ANKRD31: variants seen among roughly 807,000 people sequenced by gnomAD.
ANKRD31 encodes the protein ankyrin repeat domain 31, also known as ankyrin repeat domain-containing protein 31.
In ANKRD31, 147 loss-of-function variants were observed where a neutral mutation model predicts 186.0. The ratio of observed to expected loss-of-function variants is 0.79; its 90% CI spans 0.69 to 0.91. The LOEUF (loss-of-function observed/expected upper bound fraction) is 0.91. Among genes scored for constraint, ANKRD31 ranks in the 40% least tolerant of loss-of-function variants. The probability of loss-of-function intolerance (pLI) is 0.00; values close to 1 mark genes in which losing one functional copy is unlikely to be tolerated. For missense variants in ANKRD31, 1,986 were observed against 2,148.8 expected (o/e 0.92, Z 1.50); for synonymous variants, 673 against 736.4 (o/e 0.91, Z 1.39).
chr5:75,205,109 C>A (rs932393940), intron 5 of ANKRD31, among the ~76,000 whole-genome samples: 2 of 152,154 alleles, frequency 1.3e-5, no homozygotes, highest in African/African-American at 4.8e-5. Context: ...CAAGCAATCA[C>A]CCTGGCTCAG....
chr5:75,112,213 C>T (rs1747844852), intron 20 of ANKRD31, among the ~76,000 whole-genome samples: 1 of 152,120 alleles, frequency 6.6e-6, no homozygotes, highest in Admixed American at 6.6e-5. Context: ...GCCTCAGCCT[C>T]CCGAGTAGCT....
chr5:75,212,230 T>A (rs1362756506), intron 3 of ANKRD31, among the ~76,000 whole-genome samples: 1 of 152,174 alleles, frequency 6.6e-6, no homozygotes, highest in Non-Finnish European at 1.5e-5. Flanking sequence ...TAATATGTGA[T>A]GATTCTGAAC....
At chr5:75,079,935 T>A (rs1744955118) in intron 25 of ANKRD31, among the ~76,000 whole-genome samples, 1 of 151,694 alleles carries the variant, frequency 6.6e-6, no homozygotes, top group African/African-American at 2.4e-5. Flanking sequence ...AAACTCCCTC[T>A]CTACAAAAAA....
chr5:75,117,601 C>T (rs1003489907), intron 18 of ANKRD31, among the ~76,000 whole-genome samples: 1 of 152,088 alleles, frequency 6.6e-6, no homozygotes, highest in Non-Finnish European at 1.5e-5. Context: ...TAGATACATT[C>T]CTGAGTATCT....
chr5:75,234,941 A>G (rs1338019733), intron 1 of ANKRD31, among the ~76,000 whole-genome samples: 1 of 151,940 alleles, frequency 6.6e-6, no homozygotes, highest in Admixed American at 6.6e-5. Flanking sequence ...CATCATCCCA[A>G]TATCATTTTT....
Position 75,146,295 on chromosome 5 carries a change from G to A in ANKRD31, c.3116C>T (p.Pro1039Leu). The A allele has an allele frequency of 6.5e-7, 1 of 1,536,436 alleles. No individual in the cohort carries two copies. The change falls in exon 14 of 26, where the codon CCC (proline) becomes CTC (leucine). Residue 1039 changes from proline to leucine, a missense_variant. Pro to Leu is a moderately conservative substitution (Grantham distance 98, BLOSUM62 -3). Transcript: ENST00000506364. ...ELFKKPQDYIPRAPTFLMNQT... is the reference protein window; with the variant it reads ...ELFKKPQDYILRAPTFLMNQT... Reference sequence around the variant, plus strand: ...ATTCATTAAAAAAGTTGGTGCTCTGGGAATATAATCCTGTGGCTTTTTGAA... The same window carrying A: ...ATTCATTAAAAAAGTTGGTGCTCTGAGAATATAATCCTGTGGCTTTTTGAA...
At chr5:75,157,989 A>G (rs543462471) in intron 11 of ANKRD31, among the ~76,000 whole-genome samples, 2 of 152,214 alleles carry the variant, frequency 1.3e-5, no homozygotes, top group Non-Finnish European at 2.9e-5. Flanking sequence ...ATAGAGGCAG[A>G]CTACTCAGAA....
At chr5:75,147,639 G>T in intron 13 of ANKRD31, 134 bp from the exon 14 acceptor site, 1 of 731,664 alleles carries the variant, frequency 1.4e-6, no homozygotes, top group Non-Finnish European at 2.1e-6. Flanking sequence ...CACAGATCCT[G>T]CTGGGATATA....
intron 5 of ANKRD31, among the ~76,000 whole-genome samples, chr5:75,200,618 AC>A (rs964222199): frequency 6.0e-5 from 9 of 149,558 alleles, no homozygotes; most frequent in African/African-American, 2.2e-4. Context: ...CATCATCAAG[AC>A]CCAAGTATTC....
rs532311872 is a variant in ANKRD31 at position 75,140,494 on chromosome 5, C to A, written c.3596-1511G>T. The stretch of plus-strand genomic sequence containing the variant: ...AATTCCCCAGTCCACTCCAAACTTA[C>A]TTTGGAGGACAGACTAAAATGGCTC... On this transcript the variant is annotated intron_variant, in intron 15 of 25. Transcript: ENST00000506364. Among the ~76,000 whole-genome samples, 52 of 152,278 alleles carry A rather than the reference C, an allele frequency of 3.4e-4. 1 individual carries two copies. Among genetic ancestry groups the A allele is most frequent in the African/African-American group, 1.1e-3 (44 of 41,562 alleles).
chr5:75,181,885 T>C (rs1191839235), intron 10 of ANKRD31, among the ~76,000 whole-genome samples: 3 of 113,364 alleles, frequency 2.6e-5, no homozygotes, highest in East Asian at 4.6e-4. Context: ...AAAAGTATAA[T>C]AGTAATGATA....
intron 22 of ANKRD31, among the ~76,000 whole-genome samples, chr5:75,092,806 C>T (rs1267559366): frequency 1.3e-5 from 2 of 151,884 alleles, no homozygotes; most frequent in Non-Finnish European, 2.9e-5. Context: ...TTCAAAATAA[C>T]CATTATAAAT....
At chr5:75,152,310 A>C (rs1416461439) in intron 12 of ANKRD31, among the ~76,000 whole-genome samples, 1 of 152,054 alleles carries the variant, frequency 6.6e-6, no homozygotes. Context: ...GTCCCCAGGA[A>C]GACACAGAGC....
intron 9 of ANKRD31, among the ~76,000 whole-genome samples, chr5:75,191,960 T>C (rs1389748557): frequency 6.6e-6 from 1 of 152,080 alleles, no homozygotes; most frequent in African/African-American, 2.4e-5. Flanking sequence ...AACAAAAGAC[T>C]CACCCCTTGT....
chr5:75,149,395 T>C (rs1275645695), intron 12 of ANKRD31, among the ~76,000 whole-genome samples: 3 of 151,960 alleles, frequency 2.0e-5, no homozygotes, highest in Admixed American at 6.6e-5. Context: ...TTAATGAGGA[T>C]GTAATTCAAA....
rs767348382 is a variant in ANKRD31 at position 75,104,979 on chromosome 5, G to A, written c.4580C>T (p.Pro1527Leu). 1.2e-5 allele frequency: 19 copies of A among 1,536,728 alleles called. No homozygotes were observed. In the African/African-American group the frequency reaches 2.3e-4, roughly 19 times the overall value. Residue 1527 changes from proline to leucine, a missense_variant, in exon 22 of 26, where the codon CCC becomes CTC. Transcript: ENST00000506364. ...ELTSLENLEH[P>L]QSGSLSPVSG... ...AACAGGAGAAAGTGAACCTGATTGG[G>A]GATGCTCTAAATTTTCCAGACTAGT... is the stretch of plus-strand genomic sequence containing the variant.
At chr5:75,183,459 A>G (rs1754472502) in intron 10 of ANKRD31, among the ~76,000 whole-genome samples, 1 of 152,152 alleles carries the variant, frequency 6.6e-6, no homozygotes, top group African/African-American at 2.4e-5. Flanking sequence ...TCCAAATGGG[A>G]AAGGAGGAAG....
intron 10 of ANKRD31, among the ~76,000 whole-genome samples, chr5:75,182,528 G>C (rs1252124765): frequency 1.3e-5 from 2 of 152,056 alleles, no homozygotes; most frequent in Non-Finnish European, 2.9e-5. Flanking sequence ...AGACCAGCCT[G>C]GCCAACATGG....
At position 75,156,558 on chromosome 5, in the gene ANKRD31, A is replaced by C. The variant is rs1752190111; in HGVS notation, c.1708-2213T>G. Among the ~76,000 whole-genome samples the C allele has an allele frequency of 2.0e-5, 3 of 152,174 alleles. No homozygotes were observed. In the South Asian group the frequency reaches 6.2e-4, roughly 31 times the overall value. ...ACTTGTAAATGTCAACTTTATTTGG[A>C]AAAAAGACCTTTGCAAATATGATTA... On this transcript the variant is annotated intron_variant, in intron 11 of 25. Coordinates refer to ENST00000506364, the MANE Select transcript of ANKRD31 (RefSeq NM_001372053.1).
Sources: gnomAD v4.1 joint callset for allele counts (sites outside exome capture counted in the v4.1 genomes callset) on GRCh38, gnomAD v4.1.1 for gene constraint, MANE v1.5 for transcripts, NCBI Gene and HGNC (gene_info 2026-07-23, HGNC 2026-07-21) for gene names.